COL6A5: variants seen among roughly 807,000 people sequenced by gnomAD.
COL6A5 encodes the protein collagen type VI alpha 5 chain.
COL6A5 carries 48 observed loss-of-function variants against 65.6 expected under a neutral mutation model. The ratio of observed to expected loss-of-function variants is 0.73; its 90% confidence interval spans 0.58 to 0.93. The LOEUF is 0.93. Among genes scored for constraint, COL6A5 ranks in the 40% least tolerant of loss-of-function variants. The pLI is 0.00. For synonymous variants in COL6A5, 291 were observed against 322.8 expected (o/e 0.90, Z 1.05); for missense variants, 914 against 928.3 (o/e 0.98, Z 0.20).
intron 4 of COL6A5, among the ~76,000 whole-genome samples, chr3:130,382,425 A>G (rs1331197719): frequency 6.6e-6 from 1 of 152,166 alleles, no homozygotes; most frequent in Non-Finnish European, 1.5e-5. Flanking sequence ...TTGCATAAAA[A>G]TGGTAAGAAA....
intron 7 of COL6A5, among the ~76,000 whole-genome samples, chr3:130,476,282 A>G (rs1354956442): frequency 2.0e-5 from 3 of 152,058 alleles, no homozygotes; most frequent in Admixed American, 6.6e-5. Context: ...GTTCCGTAAA[A>G]TCAGGGCTTC....
intron 25 of COL6A5, 91 bp from the exon 26 acceptor site, chr3:130,421,062 T>A: frequency 8.4e-7 from 1 of 1,193,070 alleles, no homozygotes; most frequent in Middle Eastern, 2.8e-4. Flanking sequence ...AAGTCCCTAG[T>A]GCTTCTCTTC....
intron 4 of COL6A5, among the ~76,000 whole-genome samples, chr3:130,450,158 A>G (rs1171120964): frequency 6.6e-6 from 1 of 151,930 alleles, no homozygotes; most frequent in East Asian, 1.9e-4. Context: ...TTGCGTTGGG[A>G]CCGCCTGAAG....
At chr3:130,476,664 G>T (rs560379566) in intron 7 of COL6A5, among the ~76,000 whole-genome samples, 1 of 152,044 alleles carries the variant, frequency 6.6e-6, no homozygotes, top group South Asian at 2.1e-4. Context: ...TATAAATCCT[G>T]GTTGAATCAT....
chr3:130,389,770 A>G (rs1302052481), intron 6 of COL6A5, among the ~76,000 whole-genome samples: 1 of 152,106 alleles, frequency 6.6e-6, no homozygotes, highest in Non-Finnish European at 1.5e-5. Context: ...TGTATTGTGC[A>G]ACCTTCAGTT....
At chr3:130,383,247 T>C (rs1016321779) in intron 4 of COL6A5, among the ~76,000 whole-genome samples, 3 of 152,052 alleles carry the variant, frequency 2.0e-5, no homozygotes, top group African/African-American at 7.2e-5. Flanking sequence ...ACTTGAAATG[T>C]AGCTAGTGTA....
At chr3:130,379,876 G>A in exon 4 of COL6A5, 1 of 1,551,298 alleles carries the variant, frequency 6.4e-7, no homozygotes, top group South Asian at 1.2e-5. Context: ...CATCCAAGGG[G>A]CTAACAATAC....
intron 29 of COL6A5, among the ~76,000 whole-genome samples, chr3:130,424,950 G>A (rs1381154821): frequency 2.0e-5 from 3 of 152,022 alleles, no homozygotes; most frequent in African/African-American, 4.8e-5. Context: ...TTGATCCTCA[G>A]CCTCTGCTTA....
intron 1 of COL6A5, among the ~76,000 whole-genome samples, chr3:130,436,734 C>G (rs1284389815): frequency 6.6e-6 from 1 of 152,044 alleles, no homozygotes; most frequent in African/African-American, 2.4e-5. Context: ...TGGTTTTTCT[C>G]TTACCTCATT....
rs78540304 is a variant in COL6A5, at chr3:130,417,880, C to T, written c.4888-989C>T. Among the ~76,000 whole-genome samples, 30 of 152,158 alleles carry T rather than the reference C, an allele frequency of 2.0e-4. No individual in the cohort carries two copies. In the East Asian group the frequency reaches 4.3e-3, roughly 22 times the overall value. ...ACACTGAGCCCAGCAAATTGTATCACGGGTCTTGGCTTTCCCATGGCCTCC... is the reference window on the plus strand; with the variant it reads ...ACACTGAGCCCAGCAAATTGTATCATGGGTCTTGGCTTTCCCATGGCCTCC... On this transcript the variant is annotated intron_variant and NMD_transcript_variant, in intron 24 of 41. Transcript: ENST00000312481.
At chr3:130,394,768 C>T (rs540776204) in intron 7 of COL6A5, 122 bp from the exon 8 acceptor site, 7 of 683,814 alleles carry the variant, frequency 1.0e-5, no homozygotes, top group African/African-American at 3.6e-5. Context: ...CTCTTGTTAA[C>T]TTATCTCAAT....
rs773151090 is a variant in COL6A5, at chr3:130,470,867, C to T, written c.2232-4C>T. ...TTAGACTAACCAGCCCACTCTCTCTCCAGGTGCCATCAACAAATATCCCAC... is the reference window on the plus strand; with the variant it reads ...TTAGACTAACCAGCCCACTCTCTCTTCAGGTGCCATCAACAAATATCCCAC... On this transcript the variant is annotated splice_polypyrimidine_tract_variant and splice_region_variant and intron_variant, in intron 6 of 7. Transcript: ENST00000512836. 1 of 1,607,654 alleles carries T rather than the reference C, an allele frequency of 6.2e-7. No individual in the cohort carries two copies. Among genetic ancestry groups the T allele is most frequent in the African/African-American group, 1.3e-5 (1 of 74,736 alleles).
chr3:130,406,309 TC>T, exon 17 of COL6A5: 1 of 1,549,674 alleles, frequency 6.5e-7, no homozygotes, highest in Non-Finnish European at 8.7e-7. Flanking sequence ...AAAAAGGTGA[TC>T]CAGGATCTCA....
At chr3:130,392,593 T>G (rs1000055271) in intron 7 of COL6A5, among the ~76,000 whole-genome samples, 1 of 152,118 alleles carries the variant, frequency 6.6e-6, no homozygotes, top group Non-Finnish European at 1.5e-5. Context: ...ACTTCCTTCC[T>G]CCCTCCTTCC....
intron 5 of COL6A5, 81 bp downstream of exon 5, chr3:130,385,445 C>T: frequency 7.4e-7 from 1 of 1,346,696 alleles, no homozygotes; most frequent in Non-Finnish European, 1.0e-6. Context: ...GAGACAAGGC[C>T]TGATGTGACC....
chr3:130,384,269 C>T (rs1936104119), intron 4 of COL6A5, among the ~76,000 whole-genome samples: 1 of 151,932 alleles, frequency 6.6e-6, no homozygotes, highest in Non-Finnish European at 1.5e-5. Context: ...GAAATAGAGT[C>T]AGAGAGAAAA....
chr3:130,401,792 A>T (rs1936825423), exon 12 of COL6A5: 1 of 1,551,472 alleles, frequency 6.4e-7, no homozygotes, highest in Admixed American at 2.0e-5. Flanking sequence ...TTGCTGCTGT[A>T]CATTCTGCAA....
intron 5 of COL6A5, among the ~76,000 whole-genome samples, chr3:130,460,533 G>A (rs967274524): frequency 1.3e-5 from 2 of 152,120 alleles, no homozygotes; most frequent in African/African-American, 2.4e-5. Context: ...GAATGTTCTA[G>A]AGTGTTGGTG....
intron 1 of COL6A5, among the ~76,000 whole-genome samples, chr3:130,367,466 C>A (rs1341634249): frequency 6.6e-6 from 1 of 152,180 alleles, no homozygotes; most frequent in Non-Finnish European, 1.5e-5. Flanking sequence ...ATTTCCTCTT[C>A]TCCTTTCTTC....
Sources: gnomAD v4.1 joint callset for allele counts (sites outside exome capture counted in the v4.1 genomes callset) on GRCh38, gnomAD v4.1.1 for gene constraint, MANE v1.5 for transcripts, NCBI Gene and HGNC (gene_info 2026-07-23, HGNC 2026-07-21) for gene names.